The following AGXT2 variants were observed in gnomAD, a reference collection of about 807,000 sequenced individuals.
AGXT2 encodes alanine--glyoxylate aminotransferase 2, mitochondrial.
A neutral mutation model predicts 62.5 loss-of-function variants in AGXT2; 61 were observed. The ratio of observed to expected loss-of-function variants is 0.98; its 90% CI spans 0.79 to 1.21. The LOEUF is 1.21. AGXT2 is among the 50% of genes most tolerant of loss of function. The pLI is 0.00. For missense variants in AGXT2, 666 were observed against 641.5 expected (o/e 1.04, Z -0.41); for synonymous variants, 243 against 218.7 (o/e 1.11, Z -0.98).
intron 4 of AGXT2, among the ~76,000 whole-genome samples, chr5:35,035,615 AG>A (rs1256201252): frequency 6.6e-6 from 1 of 151,828 alleles, no homozygotes; most frequent in African/African-American, 2.4e-5. Context: ...AGACTTGCTG[AG>A]GGGCACGCAG....
intron 9 of AGXT2, among the ~76,000 whole-genome samples, chr5:35,024,153 A>T (rs180762): frequency 6.6e-6 from 1 of 151,918 alleles, no homozygotes; most frequent in African/African-American, 2.4e-5. Flanking sequence ...TCAGCATCCC[A>T]AAGTGCTGGG....
intron 4 of AGXT2, among the ~76,000 whole-genome samples, chr5:35,036,109 T>C (rs903099507): frequency 3.3e-5 from 5 of 150,110 alleles, no homozygotes; most frequent in Non-Finnish European, 5.9e-5. Context: ...AAACAAAAAA[T>C]GCAGCTCAGC....
At chr5:35,044,002 A>G (rs1030240437) in intron 1 of AGXT2, among the ~76,000 whole-genome samples, 2 of 152,178 alleles carry the variant, frequency 1.3e-5, no homozygotes, top group African/African-American at 4.8e-5. Flanking sequence ...CAAAATGCCA[A>G]TTGTATCTCA....
At position 35,003,804 on chromosome 5, in the gene AGXT2, G is replaced by A; in HGVS notation, c.1396C>T (p.His466Tyr). 6.2e-7 allele frequency: 1 copy of A among 1,614,202 alleles called. No individual in the cohort carries two copies. ...EVNQIHEDCK[H>Y]MGLLVGRGSI... ...CCTCTGCCAACGAGGAGTCCCATGT[G>A]CTTGCAGTCCTCATGGATCTGATTT... The change falls in exon 13 of 14, where the codon CAC becomes TAC. Residue 466 changes from histidine (H) to tyrosine (Y), a missense_variant. By Grantham distance (83) the His-to-Tyr change is moderately conservative. Coordinates refer to ENST00000231420, the MANE Select transcript of AGXT2 (RefSeq NM_031900.4).
At chr5:35,009,086 C>T (rs771069143) in intron 12 of AGXT2, among the ~76,000 whole-genome samples, 21 of 151,928 alleles carry the variant, frequency 1.4e-4, no homozygotes, top group East Asian at 5.8e-4. Flanking sequence ...ATTGGGAGAA[C>T]GGTGGAGTGT....
At chr5:35,016,655 T>G (rs2112210832) in intron 9 of AGXT2, among the ~76,000 whole-genome samples, 1 of 152,300 alleles carries the variant, frequency 6.6e-6, no homozygotes, top group South Asian at 2.1e-4. Context: ...CTCGGTTTGC[T>G]TGCTCCCCCA....
chr5:35,023,856 A>G (rs560068521), intron 9 of AGXT2, among the ~76,000 whole-genome samples: 3 of 142,878 alleles, frequency 2.1e-5, no homozygotes, highest in South Asian at 2.3e-4. Context: ...TGTCAGCTGT[A>G]GGGAATATTT....
rs529468697 is a variant in AGXT2, at chr5:35,011,860, T to C, written c.1188+1094A>G. Among the ~76,000 whole-genome samples the C allele has an allele frequency of 5.9e-5, 9 of 151,702 alleles. No individual in the cohort carries two copies. The East Asian group carries it at 7.7e-4, about 13-fold the overall frequency. ...AGTACAACTCACAATTGCAAAGATATGGAACCAACCTAAGAGCCCATCAAT... is the reference window on the plus strand; with the variant it reads ...AGTACAACTCACAATTGCAAAGATACGGAACCAACCTAAGAGCCCATCAAT... On this transcript the variant is annotated intron_variant, in intron 11 of 13. Transcript: ENST00000231420.
intron 13 of AGXT2, 98 bp from the exon 14 acceptor site, chr5:34,998,924 G>A: frequency 3.3e-6 from 3 of 911,666 alleles, no homozygotes; most frequent in Non-Finnish European, 5.3e-6. Context: ...CTTGTGTTTA[G>A]GATGTTTCTC....
chr5:35,031,655 A>G (rs766261289), intron 7 of AGXT2, among the ~76,000 whole-genome samples: 4 of 152,202 alleles, frequency 2.6e-5, no homozygotes, highest in East Asian at 1.9e-4. Context: ...GAATGCGAAT[A>G]AAAATGTGAT....
intron 9 of AGXT2, among the ~76,000 whole-genome samples, chr5:35,022,027 C>A (rs868156057): frequency 1.3e-5 from 2 of 152,038 alleles, no homozygotes; most frequent in Non-Finnish European, 2.9e-5. Flanking sequence ...CAATGAGATA[C>A]CATCTCACAC....
At position 35,010,138 on chromosome 5, in the gene AGXT2, T is replaced by C. The variant is rs1329202491; in HGVS notation, c.1200A>G (p.Glu400=). 2 of 1,614,234 alleles carry C rather than the reference T, an allele frequency of 1.2e-6. No individual in the cohort carries two copies. Among genetic ancestry groups the C allele is most frequent in the South Asian group, 1.1e-5 (1 of 91,084 alleles). ...CTTGACTGTTTTCCTGTAGATTTTC[T>C]TCTTTAATCACCTGTTAAGAGAAAG... ...IGSAVLEVIK[E]ENLQENSQEV... Residue 400 remains glutamate (E), a synonymous_variant, in exon 12 of 14, where the codon GAA becomes GAG. Coordinates refer to ENST00000231420, the MANE Select transcript of AGXT2 (RefSeq NM_031900.4).
At chr5:35,030,443 G>A (rs1347270701) in intron 7 of AGXT2, among the ~76,000 whole-genome samples, 1 of 152,176 alleles carries the variant, frequency 6.6e-6, no homozygotes, top group East Asian at 1.9e-4. Context: ...GGGAGGCGGA[G>A]GTTGCAGTGA....
intron 9 of AGXT2, among the ~76,000 whole-genome samples, 186 bp downstream of exon 9, chr5:35,025,577 A>G (rs1767303386): frequency 6.6e-6 from 1 of 152,216 alleles, no homozygotes; most frequent in Non-Finnish European, 1.5e-5. Context: ...ATACTTGTTA[A>G]ACTGATCAGC....
At chr5:35,046,303 C>T (rs1028172380) in intron 1 of AGXT2, among the ~76,000 whole-genome samples, 2 of 152,170 alleles carry the variant, frequency 1.3e-5, no homozygotes, top group Admixed American at 1.3e-4. Flanking sequence ...GCATAATTTC[C>T]TCCTCACTGA....
chr5:35,012,868 G>C, intron 11 of AGXT2, 86 bp downstream of exon 11: 1 of 1,186,230 alleles, frequency 8.4e-7, no homozygotes, highest in Non-Finnish European at 1.2e-6. Flanking sequence ...TAACAACTCA[G>C]CATGATAGAG....
chr5:35,042,736 CTGTG>C (rs66463119), intron 1 of AGXT2, among the ~76,000 whole-genome samples: 40,736 of 142,200 alleles, frequency 0.29, 5,579 homozygotes, highest in Non-Finnish European at 0.32. Flanking sequence ...ATATGCATAC[CTGTG>C]TGTGTGTGTG....
At chr5:34,998,854 C>T in intron 13 of AGXT2, 28 bp from the exon 14 acceptor site, 1 of 1,476,296 alleles carries the variant, frequency 6.8e-7, no homozygotes, top group Non-Finnish European at 9.5e-7. Flanking sequence ...AATAAGAAAA[C>T]AAATCATCAG....
At chr5:35,024,814 T>A (rs1204016061) in intron 9 of AGXT2, among the ~76,000 whole-genome samples, 3 of 151,728 alleles carry the variant, frequency 2.0e-5, no homozygotes, top group African/African-American at 7.3e-5. Flanking sequence ...TACTAAAAAA[T>A]ACAAAACTAG....
Sources: gnomAD v4.1 joint callset for allele counts (sites outside exome capture counted in the v4.1 genomes callset) on GRCh38, gnomAD v4.1.1 for gene constraint, MANE v1.5 for transcripts, NCBI Gene and HGNC (gene_info 2026-07-23, HGNC 2026-07-21) for gene names.